Variants in CADPS2 observed in about 807,000 individuals in gnomAD.
CADPS2 encodes the protein calcium dependent secretion activator 2.
CADPS2 carries 93 observed loss-of-function variants against 172.5 expected under a neutral mutation model. The observed-to-expected ratio is 0.54, with a 90% confidence interval of 0.46 to 0.64. The LOEUF (loss-of-function observed/expected upper bound fraction) is 0.64, where lower values mean the gene tolerates loss of function less well. Ranked by LOEUF, CADPS2 falls within the 30% of genes least tolerant of loss-of-function variation. The pLI is 0.00. For synonymous variants in CADPS2, 546 were observed against 555.2 expected, an observed-to-expected ratio of 0.98 and a Z score of 0.23; for missense variants, 1,420 against 1,565.9, an observed-to-expected ratio of 0.91 and a Z score of 1.57.
intron 2 of CADPS2, among the ~76,000 whole-genome samples, chr7:122,722,463 T>C (rs1208843667): frequency 6.6e-6 from 1 of 151,040 alleles, no homozygotes; most frequent in East Asian, 1.9e-4. Flanking sequence ...GAGAATAAAA[T>C]ACCTAGGAAT....
chr7:122,389,826 C>T (rs1023674529), intron 22 of CADPS2, among the ~76,000 whole-genome samples: 1 of 151,974 alleles, frequency 6.6e-6, no homozygotes, highest in African/African-American at 2.4e-5. Context: ...TTTATTACAA[C>T]AGCACAGGGG....
intron 28 of CADPS2, among the ~76,000 whole-genome samples, chr7:122,329,393 G>T (rs1328604424): frequency 6.6e-6 from 1 of 152,120 alleles, no homozygotes; most frequent in Non-Finnish European, 1.5e-5. Context: ...AGCTGTAAAG[G>T]GCTCTGCTCT....
At chr7:122,854,328 G>A (rs1814581380) in intron 1 of CADPS2, among the ~76,000 whole-genome samples, 1 of 152,158 alleles carries the variant, frequency 6.6e-6, no homozygotes, top group Non-Finnish European at 1.5e-5. Flanking sequence ...CCATGATCAT[G>A]CCGCTGCGCT....
chr7:122,778,993 G>A (rs1488030344), intron 1 of CADPS2, among the ~76,000 whole-genome samples: 1 of 152,056 alleles, frequency 6.6e-6, no homozygotes, highest in Non-Finnish European at 1.5e-5. Context: ...CTCTTCTTGT[G>A]ATAGTGAATA....
Position 122,465,403 on chromosome 7 carries a change from C to T in CADPS2, c.2186+5972G>A, listed in dbSNP as rs184806533. Reference sequence around the variant, plus strand: ...GTTTAAAACAGGGGTCCCCAATACCCGGGCTGTGGACTGGTACCAATCCAT... The same window carrying T: ...GTTTAAAACAGGGGTCCCCAATACCTGGGCTGTGGACTGGTACCAATCCAT... On this transcript the variant is annotated intron_variant, in intron 14 of 29. Coordinates refer to ENST00000449022, the MANE Select transcript of CADPS2 (RefSeq NM_017954.11). Among the ~76,000 whole-genome samples, 409 of 152,236 alleles carry T rather than the reference C, an allele frequency of 2.7e-3. 2 individuals are homozygous for T. The highest frequency in any genetic ancestry group is 6.4e-3 in the African/African-American group (264 of 41,558).
intron 3 of CADPS2, among the ~76,000 whole-genome samples, chr7:122,651,900 T>C (rs750671957): frequency 2.6e-5 from 4 of 152,176 alleles, no homozygotes; most frequent in Non-Finnish European, 5.9e-5. Flanking sequence ...TCATTTAGGA[T>C]TACATGCCTC....
intron 22 of CADPS2, among the ~76,000 whole-genome samples, chr7:122,389,480 C>A (rs187389239): frequency 6.6e-6 from 1 of 151,778 alleles, no homozygotes; most frequent in Non-Finnish European, 1.5e-5. Context: ...AGTGCTATCA[C>A]CCCATGTATG....
Position 122,375,544 on chromosome 7 carries a change from A to G in CADPS2, c.3387+3824T>C, listed in dbSNP as rs1378795605. Among the ~76,000 whole-genome samples the G allele has an allele frequency of 2.6e-5, 4 of 152,100 alleles. No individual in the cohort carries two copies. In the East Asian group the frequency reaches 7.7e-4, roughly 29 times the overall value. On this transcript the variant is annotated intron_variant, in intron 25 of 29. Coordinates refer to ENST00000449022, the MANE Select transcript of CADPS2 (RefSeq NM_017954.11). The stretch of plus-strand genomic sequence containing the variant: ...GGATGTACACATACAAAAGAATAAA[A>G]GAATAAAAGTTGACCCTTATCTTAC...
At chr7:122,765,634 T>C (rs1443967019) in intron 1 of CADPS2, among the ~76,000 whole-genome samples, 1 of 152,146 alleles carries the variant, frequency 6.6e-6, no homozygotes, top group Non-Finnish European at 1.5e-5. Context: ...GAAAATAACA[T>C]GTCCTCTATA....
chr7:122,476,647 G>A (rs1371882737), intron 12 of CADPS2, among the ~76,000 whole-genome samples: 2 of 151,974 alleles, frequency 1.3e-5, no homozygotes, highest in Non-Finnish European at 2.9e-5. Flanking sequence ...AGCACTTTGA[G>A]TCACAAATAC....
At chr7:122,565,296 G>C (rs1310757936) in intron 7 of CADPS2, among the ~76,000 whole-genome samples, 1 of 151,616 alleles carries the variant, frequency 6.6e-6, no homozygotes, top group Admixed American at 6.6e-5. Flanking sequence ...AGTCACTTAA[G>C]CAATGGGAAA....
intron 9 of CADPS2, among the ~76,000 whole-genome samples, chr7:122,502,728 G>A (rs546574652): frequency 2.0e-5 from 3 of 151,988 alleles, no homozygotes; most frequent in Non-Finnish European, 4.4e-5. Flanking sequence ...TAAACCATAT[G>A]CGTTTATTTC....
At chr7:122,415,318 T>G (rs144616316) in intron 18 of CADPS2, among the ~76,000 whole-genome samples, 1 of 152,184 alleles carries the variant, frequency 6.6e-6, no homozygotes, top group African/African-American at 2.4e-5. Flanking sequence ...ACCAAAGCAA[T>G]CATGGCATAG....
At chr7:122,320,584 C>T (rs1385581848) in intron 29 of CADPS2, among the ~76,000 whole-genome samples, 4 of 152,294 alleles carry the variant, frequency 2.6e-5, no homozygotes, top group African/African-American at 9.6e-5. Context: ...GACAAATTCA[C>T]TTTCCCCTCA....
chr7:122,814,369 G>C (rs1323215776), intron 1 of CADPS2, among the ~76,000 whole-genome samples: 1 of 151,970 alleles, frequency 6.6e-6, no homozygotes, highest in Non-Finnish European at 1.5e-5. Context: ...GGATTACTCA[G>C]AGAAGCATCT....
intron 2 of CADPS2, among the ~76,000 whole-genome samples, chr7:122,711,837 G>A (rs2088787343): frequency 6.6e-6 from 1 of 151,814 alleles, no homozygotes; most frequent in Non-Finnish European, 1.5e-5. Context: ...ATTTTTAGTA[G>A]AGACGGGGTT....
intron 7 of CADPS2, among the ~76,000 whole-genome samples, chr7:122,575,418 TTTC>T (rs2067888838): frequency 6.7e-6 from 1 of 149,792 alleles, no homozygotes; most frequent in African/African-American, 2.5e-5. Flanking sequence ...TTCAATTCTT[TTTC>T]TTTTCTTTTC....
At chr7:122,872,298 A>G (rs1037093486) in intron 1 of CADPS2, among the ~76,000 whole-genome samples, 1 of 152,150 alleles carries the variant, frequency 6.6e-6, no homozygotes, top group Non-Finnish European at 1.5e-5. Context: ...ATGTAACTTT[A>G]AATTTTCATA....
chr7:122,796,495 T>G (rs1796402547), intron 1 of CADPS2, among the ~76,000 whole-genome samples: 1 of 152,126 alleles, frequency 6.6e-6, no homozygotes, highest in Non-Finnish European at 1.5e-5. Flanking sequence ...CAAAACAGCA[T>G]GGTGCTGGTA....
Sources: allele counts gnomAD v4.1 joint callset (sites outside exome capture counted in the v4.1 genomes callset), GRCh38; gene constraint gnomAD v4.1.1; transcripts MANE v1.5; gene names NCBI Gene and HGNC (gene_info 2026-07-23, HGNC 2026-07-21).